The following CTNNA3 variants were observed in gnomAD, a reference collection of about 807,000 sequenced individuals.
The protein encoded by CTNNA3 is catenin alpha-3.
CTNNA3 carries 76 observed loss-of-function variants against 95.7 expected under a neutral mutation model. The ratio of observed to expected loss-of-function variants is 0.79; its 90% CI spans 0.66 to 0.96. The LOEUF (loss-of-function observed/expected upper bound fraction) is 0.96, where lower values mean the gene tolerates loss of function less well. Among genes scored for constraint, CTNNA3 ranks in the 40% least tolerant of loss-of-function variants. CTNNA3 has a pLI of 0.00. For missense variants in CTNNA3, 1,191 were observed against 1,089.8 expected (o/e 1.09, Z -1.31); for synonymous variants, 431 against 374.4 (o/e 1.15, Z -1.74).
At chr10:66,327,425 A>G (rs72802842) in intron 12 of CTNNA3, among the ~76,000 whole-genome samples, 9,279 of 152,096 alleles carry the variant, frequency 0.061, 447 homozygotes, top group East Asian at 0.1. Flanking sequence ...ATTTAAAATG[A>G]TCCTGAGATT....
intron 7 of CTNNA3, among the ~76,000 whole-genome samples, chr10:66,995,152 C>T (rs967083393): frequency 6.6e-6 from 1 of 152,124 alleles, no homozygotes; most frequent in African/African-American, 2.4e-5. Flanking sequence ...ATGCACATTC[C>T]ATAATCTCAA....
rs1564617422 is a variant in CTNNA3, at chr10:66,685,323, G to GTA, written c.1282-63540_1282-63539insTA. 6.1e-3 allele frequency among the ~76,000 whole-genome samples: 213 copies of GTA among 34,858 alleles called. 7 individuals carry two copies. Among genetic ancestry groups the GTA allele is most frequent in the Non-Finnish European group, 8.7e-3 (175 of 20,012 alleles). 22.9% of individuals were successfully genotyped at this position (34,858 alleles called of 152,430 possible). ...TGTATATATATGTGTGTGTGTATGT[G>GTA]TGTATATATATATATATATATATAT... is the stretch of plus-strand genomic sequence containing the variant. On this transcript the variant is annotated intron_variant, in intron 9 of 17. Coordinates refer to ENST00000433211, the MANE Select transcript of CTNNA3 (RefSeq NM_013266.4).
intron 12 of CTNNA3, among the ~76,000 whole-genome samples, chr10:66,336,899 T>G (rs1457009572): frequency 6.6e-6 from 1 of 152,044 alleles, no homozygotes; most frequent in East Asian, 1.9e-4. Context: ...TACTAAGACC[T>G]TATTTGTCTT....
chr10:67,665,052 G>T (rs1430363964), intron 1 of CTNNA3, among the ~76,000 whole-genome samples: 1 of 152,198 alleles, frequency 6.6e-6, no homozygotes, highest in Admixed American at 6.5e-5. Flanking sequence ...CTAGTGCCTT[G>T]CATACAGTTA....
intron 9 of CTNNA3, among the ~76,000 whole-genome samples, chr10:66,648,531 G>C (rs542514811): frequency 6.6e-6 from 1 of 152,064 alleles, no homozygotes; most frequent in Non-Finnish European, 1.5e-5. Flanking sequence ...CCTAAAGACC[G>C]GGGACAAGTG....
At chr10:67,144,480 T>G (rs868491450) in intron 7 of CTNNA3, among the ~76,000 whole-genome samples, 1 of 152,206 alleles carries the variant, frequency 6.6e-6, no homozygotes, top group Non-Finnish European at 1.5e-5. Flanking sequence ...ACATTGAAAA[T>G]CTGTAGTTTA....
chr10:67,151,295 A>G (rs1186382030), intron 7 of CTNNA3, among the ~76,000 whole-genome samples: 1 of 151,982 alleles, frequency 6.6e-6, no homozygotes, highest in African/African-American at 2.4e-5. Context: ...CACGAGAAGT[A>G]TGCCATCAAA....
At chr10:65,992,845 A>C (rs1404797549) in intron 15 of CTNNA3, among the ~76,000 whole-genome samples, 1 of 151,838 alleles carries the variant, frequency 6.6e-6, no homozygotes, top group Admixed American at 6.6e-5. Context: ...TTTATTTGAA[A>C]ACTTTCTAGT....
intron 16 of CTNNA3, among the ~76,000 whole-genome samples, chr10:65,975,646 C>T (rs950611679): frequency 6.6e-6 from 1 of 152,088 alleles, no homozygotes; most frequent in Admixed American, 6.6e-5. Flanking sequence ...TTAGGTACTT[C>T]GTCTGTGCCA....
At chr10:66,151,816 T>C (rs1331923788) in intron 13 of CTNNA3, among the ~76,000 whole-genome samples, 1 of 152,004 alleles carries the variant, frequency 6.6e-6, no homozygotes, top group Non-Finnish European at 1.5e-5. Flanking sequence ...TCACTTTCTA[T>C]ACATGCTTCA....
intron 16 of CTNNA3, among the ~76,000 whole-genome samples, chr10:65,977,117 A>G (rs1815737648): frequency 2.0e-5 from 3 of 152,202 alleles, no homozygotes; most frequent in Admixed American, 2.0e-4. Context: ...TTCTCAAGTA[A>G]CATTTGCTTT....
chr10:67,361,611 T>G (rs1394483479), intron 5 of CTNNA3, among the ~76,000 whole-genome samples: 1 of 152,162 alleles, frequency 6.6e-6, no homozygotes. Context: ...ATCTGTGGGA[T>G]GCAGCAAAAG....
At chr10:66,702,866 C>T (rs771298379) in intron 9 of CTNNA3, among the ~76,000 whole-genome samples, 5 of 151,988 alleles carry the variant, frequency 3.3e-5, no homozygotes, top group East Asian at 1.9e-4. Flanking sequence ...TCAATAAGCC[C>T]GTCACACATT....
At chr10:67,145,349 CAA>C (rs1168300767) in intron 7 of CTNNA3, among the ~76,000 whole-genome samples, 2 of 151,926 alleles carry the variant, frequency 1.3e-5, no homozygotes, top group East Asian at 3.9e-4. Flanking sequence ...TCAGTTAACC[CAA>C]AAGAGTTGTT....
At chr10:67,188,037 C>CTCCT (rs2132164616) in intron 6 of CTNNA3, among the ~76,000 whole-genome samples, 1 of 152,322 alleles carries the variant, frequency 6.6e-6, no homozygotes, top group East Asian at 1.9e-4. Context: ...CATCCCTGCC[C>CTCCT]TCCTCACAGG....
intron 13 of CTNNA3, among the ~76,000 whole-genome samples, chr10:66,123,550 A>T (rs1335129614): frequency 6.6e-6 from 1 of 152,166 alleles, no homozygotes; most frequent in East Asian, 1.9e-4. Context: ...TCCACTAGAC[A>T]GTGCCCCAGT....
chr10:66,208,597 C>T lies in CTNNA3; in HGVS notation c.1884+71873G>A, dbSNP rs183181485. On this transcript the variant is annotated intron_variant, in intron 13 of 17. Transcript: ENST00000433211. ...AGTTTGAGAAAGAAAATCAAGAACA[C>T]GCTTGAAAGGAACTTAAAAAGAAGA... is the stretch of plus-strand genomic sequence containing the variant. Among the ~76,000 whole-genome samples, 517 of 151,944 alleles carry T rather than the reference C, an allele frequency of 3.4e-3. 1 individual carries two copies. The highest frequency in any genetic ancestry group is 0.024 in the Middle Eastern group (7 of 294).
At chr10:67,476,462 C>T (rs532106774) in intron 5 of CTNNA3, among the ~76,000 whole-genome samples, 1 of 152,144 alleles carries the variant, frequency 6.6e-6, no homozygotes, top group Non-Finnish European at 1.5e-5. Context: ...TCCAGGCAGT[C>T]GGAGCACCCA....
chr10:66,894,844 A>C (rs193209596), intron 7 of CTNNA3, among the ~76,000 whole-genome samples: 1 of 151,990 alleles, frequency 6.6e-6, no homozygotes, highest in Admixed American at 6.5e-5. Context: ...CACCAAATCA[A>C]AAAATCTTGT....
Sources: allele counts gnomAD v4.1 joint callset (sites outside exome capture counted in the v4.1 genomes callset), GRCh38; gene constraint gnomAD v4.1.1; transcripts MANE v1.5; gene names NCBI Gene and HGNC (gene_info 2026-07-23, HGNC 2026-07-21).